The following CDKAL1 variants were observed in gnomAD, a reference collection of about 807,000 sequenced individuals.
The protein encoded by CDKAL1 is threonylcarbamoyladenosine tRNA methylthiotransferase.
A neutral mutation model predicts 68.2 loss-of-function variants in CDKAL1; 32 were observed. That is an observed-to-expected ratio of 0.47 (90% confidence interval 0.35 to 0.63). The LOEUF (loss-of-function observed/expected upper bound fraction) is 0.63. CDKAL1 is among the 30% of genes least tolerant of loss of function. The probability of loss-of-function intolerance (pLI) is 0.00; values close to 1 mark genes in which losing one functional copy is unlikely to be tolerated. For synonymous variants in CDKAL1, 234 were observed against 244.3 expected (o/e 0.96, Z 0.39); for missense variants, 606 against 696.7 (o/e 0.87, Z 1.47).
intron 9 of CDKAL1, among the ~76,000 whole-genome samples, chr6:20,951,207 A>C (rs1764510845): frequency 6.6e-6 from 1 of 152,050 alleles, no homozygotes; most frequent in African/African-American, 2.4e-5. Flanking sequence ...TATCTTGAAA[A>C]TTTTCCTCAA....
chr6:20,764,271 T>C (rs1774597527), intron 7 of CDKAL1, among the ~76,000 whole-genome samples: 1 of 152,244 alleles, frequency 6.6e-6, no homozygotes, highest in Non-Finnish European at 1.5e-5. Flanking sequence ...TACCATTACG[T>C]CATGTTTCTT....
At chr6:20,936,173 T>C (rs568966427) in intron 9 of CDKAL1, among the ~76,000 whole-genome samples, 2 of 151,956 alleles carry the variant, frequency 1.3e-5, no homozygotes, top group African/African-American at 4.8e-5. Flanking sequence ...ACCTATCTTA[T>C]AAATTTATTT....
chr6:20,668,041 GCTT>G (rs1769636263), intron 5 of CDKAL1, among the ~76,000 whole-genome samples: 1 of 150,988 alleles, frequency 6.6e-6, no homozygotes, highest in African/African-American at 2.4e-5. Context: ...TCTCTCTTTC[GCTT>G]CTTCTCTCTC....
At chr6:20,701,395 C>A (rs1049463525) in intron 5 of CDKAL1, among the ~76,000 whole-genome samples, 1 of 151,866 alleles carries the variant, frequency 6.6e-6, no homozygotes, top group Non-Finnish European at 1.5e-5. Context: ...ATTGCTGGAA[C>A]CAAGTAGTAG....
intron 10 of CDKAL1, among the ~76,000 whole-genome samples, chr6:20,966,274 G>C (rs1331578992): frequency 6.6e-6 from 1 of 152,112 alleles, no homozygotes. Flanking sequence ...CCACAGAAAT[G>C]CTCCACTTGA....
intron 8 of CDKAL1, among the ~76,000 whole-genome samples, chr6:20,784,068 C>A (rs1266960376): frequency 3.3e-5 from 5 of 151,986 alleles, no homozygotes; most frequent in Admixed American, 2.6e-4. Context: ...CAAAAATTAG[C>A]TGGGCGTGGC....
intron 8 of CDKAL1, among the ~76,000 whole-genome samples, chr6:20,796,943 T>G (rs952110634): frequency 6.6e-6 from 1 of 152,150 alleles, no homozygotes; most frequent in South Asian, 2.1e-4. Context: ...GAATAAAACA[T>G]AGGAGAAGGT....
chr6:21,230,805 C>G (rs933036572), intron 15 of CDKAL1, 43 bp from the exon 16 acceptor site: 24 of 1,476,412 alleles, frequency 1.6e-5, no homozygotes, highest in Non-Finnish European at 2.2e-5. Context: ...AGGGCTTTCT[C>G]TGCATCTAAA....
At chr6:20,871,378 G>T (rs1581735454) in intron 9 of CDKAL1, among the ~76,000 whole-genome samples, 1 of 152,116 alleles carries the variant, frequency 6.6e-6, no homozygotes, top group Non-Finnish European at 1.5e-5. Flanking sequence ...TCTCATGGGT[G>T]AAATCACAGC....
At chr6:20,669,654 C>T (rs1769718144) in intron 5 of CDKAL1, among the ~76,000 whole-genome samples, 2 of 152,198 alleles carry the variant, frequency 1.3e-5, no homozygotes, top group African/African-American at 4.8e-5. Context: ...TCCATTCACA[C>T]TGTTACCCAG....
rs765304906 is a variant in CDKAL1 at position 20,913,779 on chromosome 6, G to A, written c.743-41640G>A. 4.6e-5 allele frequency among the ~76,000 whole-genome samples: 7 copies of A among 152,170 alleles called. No homozygotes were observed. In the East Asian group the frequency reaches 5.8e-4, roughly 13 times the overall value. ...AAGGATTGATTAAGGTCAGGAGTTC[G>A]AGACCAGTCCAGACAACATAGTGAG... On this transcript the variant is annotated intron_variant, in intron 9 of 15. Coordinates refer to ENST00000274695, the MANE Select transcript of CDKAL1 (RefSeq NM_017774.3).
At chr6:20,736,033 G>A (rs1316745545) in intron 5 of CDKAL1, among the ~76,000 whole-genome samples, 1 of 152,186 alleles carries the variant, frequency 6.6e-6, no homozygotes, top group East Asian at 1.9e-4. Flanking sequence ...GATTTGATGG[G>A]CATTGCTAGA....
intron 8 of CDKAL1, chr6:20,800,496 A>C (rs1776322117): frequency 1.3e-5 from 2 of 152,242 alleles, no homozygotes; most frequent in African/African-American, 4.8e-5. Flanking sequence ...GTAGGGTGAC[A>C]TATATGCCCA....
intron 9 of CDKAL1, among the ~76,000 whole-genome samples, chr6:20,874,233 T>C (rs1428733008): frequency 6.6e-6 from 1 of 152,174 alleles, no homozygotes; most frequent in Non-Finnish European, 1.5e-5. Context: ...ATGGCATTTT[T>C]ACATTGGGGG....
chr6:21,205,528 CTGTTT>C (rs1345783204), intron 15 of CDKAL1, among the ~76,000 whole-genome samples: 1 of 141,674 alleles, frequency 7.1e-6, no homozygotes, highest in African/African-American at 2.8e-5. Flanking sequence ...TGGGTCAAGC[CTGTTT>C]TGTTTTGTTT....
rs9465848 is a variant in CDKAL1, at chr6:20,635,589, C to T, written c.287-13704C>T. Among the ~76,000 whole-genome samples, 1,335 of 152,208 alleles carry T rather than the reference C, an allele frequency of 8.8e-3. 14 individuals are homozygous for T. The highest frequency in any genetic ancestry group is 0.03 in the African/African-American group (1,258 of 41,540). ...TGTTGAATTTCCTTTGAGCATCCTG[C>T]GGTTACTCAAAAAGTTTCAGATTTT... is the stretch of plus-strand genomic sequence containing the variant. On this transcript the variant is annotated intron_variant, in intron 4 of 15. Transcript: ENST00000274695.
At chr6:21,059,062 G>T (rs1420839035) in intron 11 of CDKAL1, among the ~76,000 whole-genome samples, 3 of 152,116 alleles carry the variant, frequency 2.0e-5, no homozygotes, top group Non-Finnish European at 4.4e-5. Context: ...TCCCCTCAGG[G>T]TCTCTGTCCC....
rs141651739 is a variant in CDKAL1 at position 20,886,957 on chromosome 6, A to G, written c.742+40779A>G. On this transcript the variant is annotated intron_variant, in intron 9 of 15. Transcript: ENST00000274695. ...TTGGTAAAGGGTTGATATCCAGCAT[A>G]TAAATATTTTTTACAGCTCAATAAT... Among the ~76,000 whole-genome samples the G allele has an allele frequency of 5.8e-3, 887 of 152,368 alleles. 4 individuals are homozygous for G. Among genetic ancestry groups the G allele is most frequent in the Non-Finnish European group, 9.9e-3 (671 of 68,034 alleles).
chr6:21,034,579 T>G lies in CDKAL1; in HGVS notation c.1056-30469T>G, dbSNP rs145757881. Reference sequence around the variant, plus strand: ...TGAGTACAGTTTTCTAAAGCACACATGTAGCTTGATAATAAGAGTGATCTG... The same window carrying G: ...TGAGTACAGTTTTCTAAAGCACACAGGTAGCTTGATAATAAGAGTGATCTG... On this transcript the variant is annotated intron_variant, in intron 11 of 15. Transcript: ENST00000274695. Among the ~76,000 whole-genome samples, 331 of 152,326 alleles carry G rather than the reference T, an allele frequency of 2.2e-3. 2 individuals are homozygous for G. The highest frequency in any genetic ancestry group is 7.5e-3 in the African/African-American group (310 of 41,580).
Sources: allele counts gnomAD v4.1 joint callset (sites outside exome capture counted in the v4.1 genomes callset), GRCh38; gene constraint gnomAD v4.1.1; transcripts MANE v1.5; gene names NCBI Gene and HGNC (gene_info 2026-07-23, HGNC 2026-07-21).